The following DSCAML1 variants were observed in gnomAD, a reference collection of about 807,000 sequenced individuals.
DSCAML1 encodes the protein cell adhesion molecule DSCAML1.
Under a neutral mutation model 200.5 loss-of-function variants are expected in DSCAML1, and 38 were observed. The ratio of observed to expected loss-of-function variants is 0.19; its 90% CI spans 0.15 to 0.25. The LOEUF (loss-of-function observed/expected upper bound fraction) is 0.25. DSCAML1 is among the 10% of genes least tolerant of loss of function. DSCAML1 has a pLI of 1.00. For synonymous variants in DSCAML1, 1,215 were observed against 1,165.0 expected (o/e 1.04, Z -0.87); for missense variants, 2,223 against 2,858.8 (o/e 0.78, Z 5.07).
At chr11:117,491,091 A>G (rs909968640) in intron 11 of DSCAML1, among the ~76,000 whole-genome samples, 2 of 152,164 alleles carry the variant, frequency 1.3e-5, no homozygotes, top group African/African-American at 4.8e-5. Context: ...GCGAGCGAGC[A>G]GTGTGTGTGG....
intron 3 of DSCAML1, among the ~76,000 whole-genome samples, chr11:117,534,464 G>A (rs893176005): frequency 2.6e-5 from 4 of 152,112 alleles, no homozygotes; most frequent in Non-Finnish European, 5.9e-5. Flanking sequence ...TCTTCTTGGC[G>A]CTCCCTCTGT....
intron 3 of DSCAML1, among the ~76,000 whole-genome samples, chr11:117,680,154 G>A (rs558298768): frequency 2.0e-5 from 3 of 152,178 alleles, no homozygotes; most frequent in African/African-American, 7.2e-5. Flanking sequence ...TGCCATCCAG[G>A]TTCCTTTCTC....
intron 3 of DSCAML1, among the ~76,000 whole-genome samples, chr11:117,749,686 G>A (rs2054573616): frequency 6.6e-6 from 1 of 152,244 alleles, no homozygotes; most frequent in South Asian, 2.1e-4. Flanking sequence ...GGCAAGGGCA[G>A]TGGAGGTTTC....
intron 3 of DSCAML1, among the ~76,000 whole-genome samples, chr11:117,576,223 G>C (rs1034023070): frequency 7.2e-5 from 11 of 152,178 alleles, no homozygotes; most frequent in African/African-American, 2.7e-4. Context: ...TGCCTTGAGA[G>C]GGGTGATTGG....
chr11:117,478,355 T>C (rs2048840348), intron 14 of DSCAML1, among the ~76,000 whole-genome samples: 1 of 152,130 alleles, frequency 6.6e-6, no homozygotes, highest in South Asian at 2.1e-4. Context: ...TGTCACCCTC[T>C]GGACCCAGCC....
intron 3 of DSCAML1, among the ~76,000 whole-genome samples, chr11:117,589,978 TC>T (rs1057095836): frequency 6.6e-6 from 1 of 152,194 alleles, no homozygotes; most frequent in African/African-American, 2.4e-5. Flanking sequence ...CTCTATCACA[TC>T]AGAGCTCCTA....
intron 3 of DSCAML1, among the ~76,000 whole-genome samples, chr11:117,694,750 G>A (rs1204480689): frequency 6.6e-6 from 1 of 152,248 alleles, no homozygotes; most frequent in East Asian, 1.9e-4. Flanking sequence ...TCCTGGTTGG[G>A]GGTTAAGGAA....
chr11:117,470,049 C>T, intron 15 of DSCAML1, 69 bp from the exon 16 acceptor site: 1 of 1,401,698 alleles, frequency 7.1e-7, no homozygotes, highest in Non-Finnish European at 9.6e-7. Context: ...TTCTATGTTC[C>T]CACTCCCACC....
intron 3 of DSCAML1, among the ~76,000 whole-genome samples, chr11:117,609,496 C>T (rs970226037): frequency 8.6e-5 from 13 of 151,824 alleles, no homozygotes; most frequent in African/African-American, 3.1e-4. Context: ...TTGTAGAGAC[C>T]AGGTCTCCCT....
Position 117,796,781 on chromosome 11 carries a change from G to A in DSCAML1, c.46+253C>T, listed in dbSNP as rs983885734. On this transcript the variant is annotated intron_variant, in intron 1 of 32. Coordinates refer to ENST00000651296, the MANE Select transcript of DSCAML1 (RefSeq NM_020693.4). ...GCCGTGCAGGGAGCAGGGAGATGAGGGGCTCCTTTGCCACCACCCCTACGG... is the reference window on the plus strand; with the variant it reads ...GCCGTGCAGGGAGCAGGGAGATGAGAGGCTCCTTTGCCACCACCCCTACGG... Among the ~76,000 whole-genome samples the A allele has an allele frequency of 2.0e-5, 3 of 152,184 alleles. No homozygotes were observed. In the East Asian group the frequency reaches 5.8e-4, roughly 29 times the overall value.
At chr11:117,563,637 C>G (rs2050703430) in intron 3 of DSCAML1, among the ~76,000 whole-genome samples, 1 of 152,116 alleles carries the variant, frequency 6.6e-6, no homozygotes, top group Non-Finnish European at 1.5e-5. Flanking sequence ...CATTCACTTT[C>G]TCTTGTTTGG....
intron 3 of DSCAML1, among the ~76,000 whole-genome samples, chr11:117,726,266 C>CGTGTGTGTGTGTGTGT (rs112110901): frequency 7.5e-5 from 11 of 145,812 alleles, no homozygotes; most frequent in African/African-American, 2.5e-4. Flanking sequence ...TGTGTGTGTG[C>CGTGTGTGTGTGTGTGT]GTGTGTGTGT....
chr11:117,655,705 A>C (rs1259276261), intron 3 of DSCAML1, among the ~76,000 whole-genome samples: 1 of 152,216 alleles, frequency 6.6e-6, no homozygotes, highest in Non-Finnish European at 1.5e-5. Flanking sequence ...GGCCAGCTCC[A>C]AGCCACGTTT....
rs187872785 is a variant in DSCAML1 at position 117,710,460 on chromosome 11, T to C, written c.511+66331A>G. On this transcript the variant is annotated intron_variant, in intron 3 of 32. Coordinates refer to ENST00000651296, the MANE Select transcript of DSCAML1 (RefSeq NM_020693.4). Reference sequence around the variant, plus strand: ...AGTGGGAAGGAGCTGACATGTGTTCTGGAGAAAGAGTCCCTCTCTGCAACG... The same window carrying C: ...AGTGGGAAGGAGCTGACATGTGTTCCGGAGAAAGAGTCCCTCTCTGCAACG... Among the ~76,000 whole-genome samples, 13 of 152,338 alleles carry C rather than the reference T, an allele frequency of 8.5e-5. No individual in the cohort carries two copies. The East Asian group carries it at 2.5e-3, about 29-fold the overall frequency.
Position 117,428,148 on chromosome 11 carries a change from A to G in DSCAML1, c.*180T>C. ...TGCCCTGGCTTCATGGAGAAGAAGA[A>G]AATAGTTTCATTTGTACAAAAGAGT... On this transcript the variant is annotated 3_prime_UTR_variant, in exon 33 of 33. Transcript: ENST00000651296. 1.8e-6 allele frequency: 1 copy of G among 540,944 alleles called. No individual in the cohort carries two copies. The highest frequency in any genetic ancestry group is 2.5e-5 in the South Asian group (1 of 40,272). The allele number at this position is 540,944 out of a possible 1,614,324, so 33.5% of individuals were successfully genotyped here.
At chr11:117,547,036 G>A (rs1317340618) in intron 3 of DSCAML1, among the ~76,000 whole-genome samples, 1 of 152,090 alleles carries the variant, frequency 6.6e-6, no homozygotes, top group Admixed American at 6.5e-5. Flanking sequence ...GAGAGAGGAA[G>A]ATGAAAAAAA....
At chr11:117,525,607 G>A (rs1031655764) in intron 4 of DSCAML1, among the ~76,000 whole-genome samples, 10 of 151,960 alleles carry the variant, frequency 6.6e-5, no homozygotes, top group African/African-American at 2.2e-4. Context: ...CTACAGGCAC[G>A]CACCACCACA....
chr11:117,588,239 C>T (rs986817731), intron 3 of DSCAML1, among the ~76,000 whole-genome samples: 5 of 152,122 alleles, frequency 3.3e-5, no homozygotes, highest in African/African-American at 1.2e-4. Flanking sequence ...ACCACCCTAG[C>T]TCGGGGGTCG....
At chr11:117,634,597 C>T (rs998169536) in intron 3 of DSCAML1, among the ~76,000 whole-genome samples, 3 of 152,138 alleles carry the variant, frequency 2.0e-5, no homozygotes, top group Non-Finnish European at 4.4e-5. Flanking sequence ...CTGGAATTTG[C>T]ATTAGTGATT....
Sources: gnomAD v4.1 joint callset for allele counts (sites outside exome capture counted in the v4.1 genomes callset) on GRCh38, gnomAD v4.1.1 for gene constraint, MANE v1.5 for transcripts, NCBI Gene and HGNC (gene_info 2026-07-23, HGNC 2026-07-21) for gene names.